TTC29: variants seen among roughly 807,000 people sequenced by gnomAD.
The protein encoded by TTC29 is tetratricopeptide repeat domain 29, also known as tetratricopeptide repeat protein 29.
TTC29 carries 49 observed loss-of-function variants against 58.1 expected under a neutral mutation model. The ratio of observed to expected loss-of-function variants is 0.84; its 90% CI spans 0.67 to 1.07. TTC29 has a LOEUF of 1.07. Ranked by LOEUF, TTC29 falls within the 50% of genes least tolerant of loss-of-function variation. The pLI is 0.00. For missense variants in TTC29, 582 were observed against 555.6 expected (o/e 1.05, Z -0.48); for synonymous variants, 209 against 196.8 (o/e 1.06, Z -0.52).
intron 11 of TTC29, among the ~76,000 whole-genome samples, chr4:146,726,185 T>C (rs930857887): frequency 2.6e-5 from 4 of 151,962 alleles, no homozygotes; most frequent in African/African-American, 9.7e-5. Context: ...CTAAACCATG[T>C]ATAAAAAAAT....
At chr4:146,716,402 A>G (rs1466932591) in intron 11 of TTC29, among the ~76,000 whole-genome samples, 2 of 152,136 alleles carry the variant, frequency 1.3e-5, no homozygotes, top group Non-Finnish European at 2.9e-5. Context: ...AGAACAGAGA[A>G]TTATATGAGA....
chr4:146,831,775 T>G (rs1220484327), intron 9 of TTC29: 3 of 445,946 alleles, frequency 6.7e-6, no homozygotes, highest in Non-Finnish European at 1.4e-5. Context: ...TGAGAATTAT[T>G]TGAAGACAGA....
chr4:146,828,966 C>A (rs545352036), intron 9 of TTC29, among the ~76,000 whole-genome samples: 37 of 152,056 alleles, frequency 2.4e-4, no homozygotes, highest in African/African-American at 7.7e-4. Context: ...GGGGAAAACA[C>A]CAAATATTTT....
chr4:146,893,662 CA>C (rs1243807394), intron 6 of TTC29, among the ~76,000 whole-genome samples: 1 of 152,112 alleles, frequency 6.6e-6, no homozygotes, highest in African/African-American at 2.4e-5. Context: ...GCAATGGCAA[CA>C]AAAGCCAAAA....
intron 8 of TTC29, among the ~76,000 whole-genome samples, chr4:146,856,180 A>C (rs1729841687): frequency 6.6e-6 from 1 of 152,170 alleles, no homozygotes; most frequent in South Asian, 2.1e-4. Flanking sequence ...CTAAATAAAA[A>C]ATTTTATCCT....
chr4:146,849,556 T>C (rs986621300), intron 8 of TTC29, among the ~76,000 whole-genome samples: 17 of 152,192 alleles, frequency 1.1e-4, no homozygotes, highest in African/African-American at 4.1e-4. Context: ...CAGTGTTGCC[T>C]ATTAGCAGCT....
intron 10 of TTC29, among the ~76,000 whole-genome samples, chr4:146,818,513 G>A (rs1430751690): frequency 2.0e-4 from 30 of 152,262 alleles, no homozygotes; most frequent in Non-Finnish European, 1.9e-4. Flanking sequence ...AACCATTGTG[G>A]AAGTCAGTGT....
At position 146,833,849 on chromosome 4, in the gene TTC29, T is replaced by G; in HGVS notation, c.934A>C (p.Ser312Arg). 6.2e-7 allele frequency: 1 copy of G among 1,613,134 alleles called. No homozygotes were observed. Among genetic ancestry groups the G allele is most frequent in the South Asian group, 1.1e-5 (1 of 91,066 alleles). The change falls in exon 9 of 13, where the codon AGT becomes CGT. Residue 312 changes from serine to arginine, a missense_variant. Ser to Arg is a moderately radical substitution (Grantham distance 110). Coordinates refer to ENST00000325106, the MANE Select transcript of TTC29 (RefSeq NM_031956.4). ...ATGGCTTCATAGCCTCTCCCCAGAC[T>G]GAGATCATCATCCAGGTCTGTGGAG... ...KISTDLDDDL[S>R]LGRGYEAIAK...
At chr4:146,807,800 T>C (rs1366156331) in intron 10 of TTC29, among the ~76,000 whole-genome samples, 2 of 152,164 alleles carry the variant, frequency 1.3e-5, no homozygotes, top group East Asian at 1.9e-4. Context: ...AGCCAAATTC[T>C]ATCAGAGGTA....
chr4:146,784,071 A>T (rs1681618353), intron 11 of TTC29, among the ~76,000 whole-genome samples: 1 of 151,332 alleles, frequency 6.6e-6, no homozygotes, highest in African/African-American at 2.4e-5. Flanking sequence ...TCTCAGGTAT[A>T]GTATAGTATA....
chr4:146,707,962 G>T (rs1481513824), intron 11 of TTC29, among the ~76,000 whole-genome samples: 1 of 151,980 alleles, frequency 6.6e-6, no homozygotes, highest in African/African-American at 2.4e-5. Flanking sequence ...CTCATACCCT[G>T]AGACTGCCAT....
At chr4:146,930,464 T>C (rs1735256720) in intron 4 of TTC29, among the ~76,000 whole-genome samples, 1 of 151,774 alleles carries the variant, frequency 6.6e-6, no homozygotes, top group Non-Finnish European at 1.5e-5. Flanking sequence ...AGCAAAAGAG[T>C]TCTTGTGAAT....
chr4:146,837,261 C>T (rs1175530142), intron 8 of TTC29, among the ~76,000 whole-genome samples: 1 of 152,084 alleles, frequency 6.6e-6, no homozygotes, highest in Non-Finnish European at 1.5e-5. Flanking sequence ...CCAAATACTG[C>T]ATGTTCTCAC....
chr4:146,784,854 C>G (rs1449641202), intron 11 of TTC29, among the ~76,000 whole-genome samples: 4 of 152,174 alleles, frequency 2.6e-5, no homozygotes, highest in Non-Finnish European at 4.4e-5. Context: ...ATCTGAGGAT[C>G]TGTTTCATCA....
chr4:146,858,992 A>T (rs1472323363), intron 8 of TTC29, among the ~76,000 whole-genome samples: 1 of 152,172 alleles, frequency 6.6e-6, no homozygotes, highest in Non-Finnish European at 1.5e-5. Flanking sequence ...TTTACTTCAT[A>T]CAAATGTCTA....
At position 146,935,486 on chromosome 4, in the gene TTC29, G is replaced by A. The variant is rs371085250; in HGVS notation, c.176+2108C>T. Among the ~76,000 whole-genome samples the A allele has an allele frequency of 3.0e-4, 45 of 152,244 alleles. No individual in the cohort carries two copies. The South Asian group carries it at 8.9e-3, about 30-fold the overall frequency. ...ACCCATTACATTTTCATATACTGAA[G>A]ATCTATGACTACCAGTTAGATAATT... On this transcript the variant is annotated intron_variant, in intron 4 of 12. Transcript: ENST00000325106.
chr4:146,746,245 T>C (rs141800786), intron 11 of TTC29, among the ~76,000 whole-genome samples: 3 of 152,330 alleles, frequency 2.0e-5, no homozygotes, highest in South Asian at 2.1e-4. Flanking sequence ...CATGGTTACA[T>C]GAAGTGAGCA....
intron 10 of TTC29, among the ~76,000 whole-genome samples, chr4:146,806,515 T>C (rs1178529053): frequency 6.6e-6 from 1 of 151,908 alleles, no homozygotes; most frequent in Non-Finnish European, 1.5e-5. Context: ...ACATATAGAC[T>C]TAAAATAAAG....
Position 146,903,544 on chromosome 4 carries a change from C to G in TTC29, c.586G>C (p.Gly196Arg). 1 of 1,597,598 alleles carries G rather than the reference C, an allele frequency of 6.3e-7. No homozygotes were observed. The highest frequency in any genetic ancestry group is 8.5e-7 in the Non-Finnish European group (1 of 1,171,724). ...MHMGLLYEED[G>R]QLLEAAEHYE... ...GGCATCCTGGCAAATGCCCACTCAC[C>G]ATCTTCCTCGTAGAGAAGACCCATA... Residue 196 changes from glycine (G) to arginine (R), a missense_variant and splice_region_variant, in exon 6 of 13, where the codon GGT becomes CGT. Physicochemically the swap from Gly to Arg is moderately radical, Grantham distance 125. Coordinates refer to ENST00000325106, the MANE Select transcript of TTC29 (RefSeq NM_031956.4).
Sources: gnomAD v4.1 joint callset for allele counts (sites outside exome capture counted in the v4.1 genomes callset) on GRCh38, gnomAD v4.1.1 for gene constraint, MANE v1.5 for transcripts, NCBI Gene and HGNC (gene_info 2026-07-23, HGNC 2026-07-21) for gene names.